Variants in DRG1 observed in about 807,000 individuals in gnomAD.
DRG1 encodes developmentally regulated GTP binding protein 1, also known as developmentally-regulated GTP-binding protein 1.
A neutral mutation model predicts 38.8 loss-of-function variants in DRG1; 19 were observed. The observed-to-expected ratio is 0.49, with a 90% CI of 0.34 to 0.72. The LOEUF is 0.72. DRG1 is among the 30% of genes least tolerant of loss of function. DRG1 has a pLI of 0.01. For synonymous variants in DRG1, 167 were observed against 157.5 expected (o/e 1.06, Z -0.45); for missense variants, 299 against 444.8 (o/e 0.67, Z 2.95).
intron 4 of DRG1, 125 bp from the exon 5 acceptor site, chr22:31,420,131 T>C (rs2050068133): frequency 1.0e-6 from 1 of 997,552 alleles, no homozygotes; most frequent in Non-Finnish European, 1.5e-6. Context: ...CACGTATGCA[T>C]GTATGTATTA....
At chr22:31,417,829 A>G (rs958983011) in intron 4 of DRG1, among the ~76,000 whole-genome samples, 9 of 150,940 alleles carry the variant, frequency 6.0e-5, no homozygotes, top group Non-Finnish European at 1.0e-4. Context: ...TGTCTCTATT[A>G]AAAATGCAAA....
chr22:31,403,866 A>T lies in DRG1; in HGVS notation c.342+662A>T, dbSNP rs12485004. Among the ~76,000 whole-genome samples the T allele has an allele frequency of 9.6e-3, 1,464 of 152,214 alleles. 70 individuals carry two copies. Among genetic ancestry groups the T allele is most frequent in the Admixed American group, 0.069 (1,048 of 15,272 alleles). On this transcript the variant is annotated intron_variant, in intron 3 of 8. Transcript: ENST00000331457. ...TGTCCCTTTCTGGGATCCCGTGTCC[A>T]AATGTATATAACAAGAATGAAGCAG...
chr22:31,403,546 A>C (rs2051842873), intron 3 of DRG1, among the ~76,000 whole-genome samples: 1 of 152,136 alleles, frequency 6.6e-6, no homozygotes, highest in South Asian at 2.1e-4. Context: ...ACATGCCTGT[A>C]ATCCCAGCAA....
chr22:31,400,591 A>G (rs1224741864), intron 1 of DRG1, 29 bp from the exon 2 acceptor site: 1 of 1,606,126 alleles, frequency 6.2e-7, no homozygotes, highest in African/African-American at 1.3e-5. Flanking sequence ...CACTGCTTCT[A>G]ATTTATGGCT....
At chr22:31,400,475 G>T in intron 1 of DRG1, 145 bp from the exon 2 acceptor site, 2 of 959,882 alleles carry the variant, frequency 2.1e-6, no homozygotes, top group Non-Finnish European at 3.0e-6. Flanking sequence ...TGAGCTGGAT[G>T]GAGGAGATAA....
chr22:31,422,005 C>T (rs1390002589), intron 5 of DRG1, among the ~76,000 whole-genome samples: 1 of 151,544 alleles, frequency 6.6e-6, no homozygotes, highest in East Asian at 1.9e-4. Context: ...ATCTCAGCTA[C>T]TCGGGAGGCT....
chr22:31,411,772 C>G (rs1306997213), intron 4 of DRG1, among the ~76,000 whole-genome samples: 1 of 151,630 alleles, frequency 6.6e-6, no homozygotes, highest in Non-Finnish European at 1.5e-5. Context: ...CTGCCTCAGT[C>G]TCCCAGAGTG....
intron 8 of DRG1, among the ~76,000 whole-genome samples, chr22:31,432,047 T>G (rs1056993424): frequency 1.3e-4 from 20 of 151,942 alleles, no homozygotes; most frequent in African/African-American, 4.8e-4. Flanking sequence ...TTACTGTTTT[T>G]TTTTTTTTCT....
At position 31,416,147 on chromosome 22, in the gene DRG1, A is replaced by G. The variant is rs935411915; in HGVS notation, c.413-4109A>G. Among the ~76,000 whole-genome samples, 15 of 152,152 alleles carry G rather than the reference A, an allele frequency of 9.9e-5. No homozygotes were observed. The East Asian group carries it at 2.9e-3, about 29-fold the overall frequency. On this transcript the variant is annotated intron_variant, in intron 4 of 8. Coordinates refer to ENST00000331457, the MANE Select transcript of DRG1 (RefSeq NM_004147.4). ...AACACGGCAAAACCCGATCTCTACT[A>G]AAAATACAAAAATTAGCTACTTGGG... is the stretch of plus-strand genomic sequence containing the variant.
chr22:31,420,514 T>A (rs999597564), intron 5 of DRG1, 89 bp downstream of exon 5: 36 of 1,482,506 alleles, frequency 2.4e-5, no homozygotes, highest in Non-Finnish European at 3.2e-5. Flanking sequence ...ATTGGAAAAT[T>A]TCCTGGCTTT....
intron 8 of DRG1, among the ~76,000 whole-genome samples, chr22:31,427,475 C>G (rs976306381): frequency 3.9e-5 from 6 of 152,200 alleles, no homozygotes; most frequent in African/African-American, 1.4e-4. Flanking sequence ...CAATGTCACA[C>G]TGGCCTCTAC....
chr22:31,432,373 G>C (rs1695094060), intron 8 of DRG1, among the ~76,000 whole-genome samples: 1 of 149,790 alleles, frequency 6.7e-6, no homozygotes, highest in South Asian at 2.1e-4. Context: ...TTTCCTTCAT[G>C]TCCTTGACCA....
chr22:31,415,013 G>A (rs2145864037), intron 4 of DRG1, among the ~76,000 whole-genome samples: 1 of 152,180 alleles, frequency 6.6e-6, no homozygotes, highest in Middle Eastern at 3.4e-3. Flanking sequence ...CCGGGCTCGA[G>A]AGTCTCTCTC....
intron 2 of DRG1, among the ~76,000 whole-genome samples, chr22:31,401,808 C>T (rs1391248758): frequency 6.6e-6 from 1 of 152,000 alleles, no homozygotes; most frequent in Non-Finnish European, 1.5e-5. Flanking sequence ...AATCCCAGCA[C>T]TTCGGGAGGC....
intron 3 of DRG1, among the ~76,000 whole-genome samples, chr22:31,407,107 T>C (rs1249523706): frequency 6.6e-6 from 1 of 152,214 alleles, no homozygotes; most frequent in Non-Finnish European, 1.5e-5. Flanking sequence ...TCTCAGTGCC[T>C]CCTACCATGG....
intron 4 of DRG1, among the ~76,000 whole-genome samples, chr22:31,418,669 A>G (rs1363767376): frequency 1.1e-4 from 16 of 151,622 alleles, no homozygotes; most frequent in Admixed American, 1.1e-3. Flanking sequence ...TACCATGGCC[A>G]GCTAATTATT....
intron 8 of DRG1, among the ~76,000 whole-genome samples, chr22:31,429,182 G>A (rs546975368): frequency 1.3e-5 from 2 of 152,074 alleles, no homozygotes; most frequent in Non-Finnish European, 2.9e-5. Flanking sequence ...GTAGTGGCAC[G>A]ATATCAGCTC....
At chr22:31,401,421 A>C (rs1354607258) in intron 2 of DRG1, among the ~76,000 whole-genome samples, 3 of 151,950 alleles carry the variant, frequency 2.0e-5, no homozygotes, top group Admixed American at 1.3e-4. Context: ...TCTACTAAAA[A>C]TACAAAAATT....
At chr22:31,412,277 A>G (rs73396257) in intron 4 of DRG1, among the ~76,000 whole-genome samples, 6,136 of 148,150 alleles carry the variant, frequency 0.041, 314 homozygotes, top group African/African-American at 0.1. Context: ...TCTGTGTTAG[A>G]AAAAAAAAAG....
Sources: gnomAD v4.1 joint callset for allele counts (sites outside exome capture counted in the v4.1 genomes callset) on GRCh38, gnomAD v4.1.1 for gene constraint, MANE v1.5 for transcripts, NCBI Gene and HGNC (gene_info 2026-07-23, HGNC 2026-07-21) for gene names.